Variants in TAF1 observed in about 807,000 individuals in gnomAD.
The protein encoded by TAF1 is transcription initiation factor TFIID subunit 1.
A neutral mutation model predicts 138.5 loss-of-function variants in TAF1; 2 were observed. The observed-to-expected ratio is 0.01, with a 90% confidence interval of 0.01 to 0.05. The LOEUF is 0.05. TAF1 is among the 10% of genes least tolerant of loss of function. The probability of loss-of-function intolerance (pLI) is 1.00; values close to 1 mark genes in which losing one functional copy is unlikely to be tolerated. For synonymous variants in TAF1, 437 were observed against 503.2 expected (o/e 0.87, Z 1.76); for missense variants, 709 against 1,478.0 (o/e 0.48, Z 8.53).
chrX:71,427,799 C>T (rs1366079763), intron 32 of TAF1, among the ~76,000 whole-genome samples: 2 of 106,665 alleles, frequency 1.9e-5, no homozygotes, highest in African/African-American at 3.4e-5. Context: ...ATTAGCTGGG[C>T]GTGGAGGCGG....
At chrX:71,524,821 A>T (rs187342508) in intron 13 of TAF1, among the ~76,000 whole-genome samples, 3 of 107,339 alleles carry the variant, frequency 2.8e-5, no homozygotes, top group South Asian at 4.2e-4. Flanking sequence ...GTTGCCTGTA[A>T]TCCCAACTAC....
chrX:71,370,107 C>A (rs939804986), intron 3 of TAF1, among the ~76,000 whole-genome samples: 3 of 110,967 alleles, frequency 2.7e-5, no homozygotes, highest in African/African-American at 9.8e-5. Context: ...TGCCTGTAGT[C>A]GCAGCTACTC....
rs770279354 is a variant in TAF1, at chrX:71,492,331, T to G, written c.1366+31528T>G. 1.0e-4 allele frequency: 13 copies of G among 127,433 alleles called. No homozygotes were observed. In the South Asian group the frequency reaches 2.4e-3, roughly 23 times the overall value. 10.5% of individuals were successfully genotyped at this position (127,433 alleles called of 1,213,427 possible). A position where few individuals can be genotyped will look rare whatever the true frequency, so the allele number is the denominator to read the frequency against. On this transcript the variant is annotated intron_variant and NMD_transcript_variant, in intron 13 of 14. Coordinates refer to the TAF1 transcript ENST00000373775. ...TACGCCTTGGCCATGGAGCTCTGCTTCTTCTTAGAGGTCTGGGCTTTCTTC... is the reference window on the plus strand; with the variant it reads ...TACGCCTTGGCCATGGAGCTCTGCTGCTTCTTAGAGGTCTGGGCTTTCTTC...
intron 17 of TAF1, among the ~76,000 whole-genome samples, chrX:71,389,275 G>A (rs899549238): frequency 1.8e-5 from 2 of 111,921 alleles, no homozygotes; most frequent in African/African-American, 3.2e-5. Context: ...GGCCAAAAGA[G>A]AAAAGGTCCA....
intron 13 of TAF1, among the ~76,000 whole-genome samples, chrX:71,503,907 G>T (rs2039569663): frequency 9.2e-6 from 1 of 109,283 alleles, no homozygotes; most frequent in Non-Finnish European, 1.9e-5. Flanking sequence ...AACTCCACTA[G>T]GCTACAGTTC....
At chrX:71,377,579 A>C (rs771727360) in intron 5 of TAF1, 24 bp from the exon 6 acceptor site, 20 of 1,199,107 alleles carry the variant, frequency 1.7e-5, no homozygotes, top group Non-Finnish European at 1.1e-6. Flanking sequence ...AGTCTGTGTC[A>C]TAGTAATGTA....
At chrX:71,387,973 G>A (rs1408725367) in intron 15 of TAF1, among the ~76,000 whole-genome samples, 3 of 110,356 alleles carry the variant, frequency 2.7e-5, no homozygotes, top group Admixed American at 9.7e-5. Flanking sequence ...GGTGGCGCAC[G>A]CCTATGGTCC....
intron 32 of TAF1, among the ~76,000 whole-genome samples, chrX:71,431,143 A>G (rs780452201): frequency 9.4e-6 from 1 of 106,301 alleles, no homozygotes; most frequent in Non-Finnish European, 1.9e-5. Context: ...GCCCATGGCA[A>G]CCTTCGCCGC....
intron 13 of TAF1, among the ~76,000 whole-genome samples, chrX:71,473,422 G>C (rs1310785451): frequency 9.0e-6 from 1 of 110,991 alleles, no homozygotes; most frequent in African/African-American, 3.3e-5. Flanking sequence ...CTGTAATACC[G>C]GGGATTTAGA....
intron 13 of TAF1, among the ~76,000 whole-genome samples, chrX:71,485,631 G>T (rs781453057): frequency 1.2e-4 from 13 of 112,012 alleles, no homozygotes; most frequent in Non-Finnish European, 2.4e-4. Context: ...GTGCTTATTG[G>T]TCATTTGTAT....
At chrX:71,408,906 C>T (rs917411977) in intron 28 of TAF1, among the ~76,000 whole-genome samples, 3 of 107,870 alleles carry the variant, frequency 2.8e-5, no homozygotes, top group Admixed American at 2.0e-4. Flanking sequence ...CCCAGCCACT[C>T]GGGAGGCTGA....
chrX:71,421,425 TG>T, intron 29 of TAF1, 49 bp downstream of exon 29: 1 of 453,761 alleles, frequency 2.2e-6, no homozygotes, highest in Non-Finnish European at 3.8e-6. Flanking sequence ...AAGGTGGGGG[TG>T]GGATATCAGG....
chrX:71,393,222 AT>A (rs1442300629), intron 20 of TAF1, 78 bp from the exon 21 acceptor site: 117 of 999,374 alleles, frequency 1.2e-4, no homozygotes, highest in Non-Finnish European at 1.4e-4. Flanking sequence ...TCCCTGAATG[AT>A]TTGTGTGTGT....
At chrX:71,506,643 C>T (rs1019167286) in intron 13 of TAF1, among the ~76,000 whole-genome samples, 1 of 97,233 alleles carries the variant, frequency 1.0e-5, no homozygotes, top group Admixed American at 1.2e-4. Flanking sequence ...TGCAGTAAGC[C>T]AAGAGCCGAG....
chrX:71,400,622 C>A (rs1353136350), intron 24 of TAF1, among the ~76,000 whole-genome samples: 1 of 111,858 alleles, frequency 8.9e-6, no homozygotes, highest in Non-Finnish European at 1.9e-5. Context: ...AACGGAAGAT[C>A]TGAATTCAGG....
At chrX:71,412,457 A>G (rs1455412897) in intron 28 of TAF1, among the ~76,000 whole-genome samples, 2 of 110,805 alleles carry the variant, frequency 1.8e-5, no homozygotes, top group Non-Finnish European at 3.8e-5. Context: ...GTAATACTCC[A>G]TTGTATGGAT....
intron 8 of TAF1, among the ~76,000 whole-genome samples, 154 bp downstream of exon 8, chrX:71,379,185 G>T (rs1321305679): frequency 2.0e-5 from 2 of 101,375 alleles, no homozygotes; most frequent in Non-Finnish European, 3.9e-5. Flanking sequence ...GTGCAGTCTC[G>T]GCTCACTGCA....
At chrX:71,501,887 G>A (rs1379385945) in intron 13 of TAF1, among the ~76,000 whole-genome samples, 2 of 111,629 alleles carry the variant, frequency 1.8e-5, no homozygotes, top group East Asian at 5.6e-4. Flanking sequence ...GGTACTCACT[G>A]CTTGACAATA....
At chrX:71,488,031 AT>A (rs1402423167) in intron 13 of TAF1, among the ~76,000 whole-genome samples, 1 of 111,303 alleles carries the variant, frequency 9.0e-6, no homozygotes, top group Admixed American at 9.6e-5. Context: ...TGTTTAGTTG[AT>A]TTTTAAGCCA....
Sources: gnomAD v4.1 joint callset for allele counts (sites outside exome capture counted in the v4.1 genomes callset) on GRCh38, gnomAD v4.1.1 for gene constraint, MANE v1.5 for transcripts, NCBI Gene and HGNC (gene_info 2026-07-23, HGNC 2026-07-21) for gene names.